SIPA1L3: variants seen among roughly 807,000 people sequenced by gnomAD.
SIPA1L3 encodes the protein signal induced proliferation associated 1 like 3, also known as signal-induced proliferation-associated 1-like protein 3.
A neutral mutation model predicts 150.1 loss-of-function variants in SIPA1L3; 59 were observed. That is an observed-to-expected ratio of 0.39 (90% confidence interval 0.32 to 0.49). SIPA1L3 has a LOEUF of 0.49. Ranked by LOEUF, SIPA1L3 falls within the 20% of genes least tolerant of loss-of-function variation. The pLI, the probability that SIPA1L3 is intolerant of heterozygous loss-of-function variation, is 0.86. For missense variants in SIPA1L3, 2,211 were observed against 2,489.5 expected (o/e 0.89, Z 2.38); for synonymous variants, 1,070 against 1,077.6 (o/e 0.99, Z 0.14).
In SIPA1L3 at chr19:38,081,551, C is replaced by CA. The variant is rs764016809; in HGVS notation, c.-14dup. ...ACAGCGTACGGGGCCAGCAGCACTC[C>CA]AGTGCCCGTGGACTATGACCACCTA... On this transcript the variant is annotated 5_prime_UTR_variant, in exon 3 of 22. Coordinates refer to ENST00000222345, the MANE Select transcript of SIPA1L3 (RefSeq NM_015073.3). The CA allele has an allele frequency of 6.4e-7, 1 of 1,561,858 alleles. No homozygotes were observed. The highest frequency in any genetic ancestry group is 1.8e-5 in the Admixed American group (1 of 55,886).
chr19:38,008,204 T>A (rs2145674562), intron 1 of SIPA1L3, among the ~76,000 whole-genome samples: 1 of 135,422 alleles, frequency 7.4e-6, no homozygotes, highest in East Asian at 2.5e-4. Context: ...AGGTGAGAAA[T>A]CACCATAGGC....
At chr19:38,025,602 G>A (rs1406501084) in intron 1 of SIPA1L3, among the ~76,000 whole-genome samples, 3 of 152,206 alleles carry the variant, frequency 2.0e-5, no homozygotes, top group Non-Finnish European at 4.4e-5. Flanking sequence ...CCTTTATAGA[G>A]CCATATGCAT....
intron 15 of SIPA1L3, among the ~76,000 whole-genome samples, chr19:38,168,108 C>T (rs755633959): frequency 6.6e-6 from 1 of 152,158 alleles, no homozygotes; most frequent in South Asian, 2.1e-4. Flanking sequence ...GCTCCCAGGC[C>T]GGGCACGGTG....
intron 1 of SIPA1L3, among the ~76,000 whole-genome samples, chr19:38,010,028 CCTAT>C (rs796970123): frequency 2.0e-5 from 3 of 152,136 alleles, no homozygotes; most frequent in African/African-American, 7.2e-5. Context: ...TCTGACACTC[CCTAT>C]CTCTCTTAAT....
At chr19:38,060,838 T>C (rs8107177) in intron 2 of SIPA1L3, among the ~76,000 whole-genome samples, 120,588 of 151,790 alleles carry the variant, frequency 0.79, 48,693 homozygotes, top group African/African-American at 0.94. Flanking sequence ...ATTACAGGGG[T>C]GTGCCACCAC....
At chr19:38,156,563 G>T (rs1000852030) in intron 13 of SIPA1L3, among the ~76,000 whole-genome samples, 3 of 149,936 alleles carry the variant, frequency 2.0e-5, no homozygotes, top group African/African-American at 7.4e-5. Context: ...AGTGGCTCAC[G>T]CCTGTAATCC....
Position 38,164,691 on chromosome 19 carries a change from C to A in SIPA1L3, c.3993C>A (p.Pro1331=). 1 of 1,613,960 alleles carries A rather than the reference C, an allele frequency of 6.2e-7. No homozygotes were observed. The highest frequency in any genetic ancestry group is 8.5e-7 in the Non-Finnish European group (1 of 1,179,962). Residue 1331 remains proline, a synonymous_variant, in exon 15 of 22, where the codon CCC becomes CCA. Transcript: ENST00000222345. The surrounding 1 kb of genome is among the most constrained non-coding windows in gnomAD (Gnocchi z 4.1). ...SCMSLAKAPR[P]AKPHKPPGSM... ...TGTCCCTGGCCAAGGCTCCACGGCC[C>A]GCCAAGCCACACAAGCCCCCTGGAA...
intron 1 of SIPA1L3, among the ~76,000 whole-genome samples, chr19:38,020,932 CT>C (rs1352042386): frequency 6.8e-4 from 103 of 152,336 alleles, no homozygotes; most frequent in African/African-American, 2.4e-3. Flanking sequence ...TCCCGAGTAG[CT>C]GGGACTACAG....
At position 38,130,472 on chromosome 19, in the gene SIPA1L3, G is replaced by A. The variant is rs376293451; in HGVS notation, c.2869-26G>A. ...AGGAGCTGACCCAAGCAGCTTCTGA[G>A]GCTCGATCCTGCCTGTGGCCTGCAG... On this transcript the variant is annotated intron_variant, in intron 9 of 21. Transcript: ENST00000222345. The A allele has an allele frequency of 1.1e-4, 183 of 1,592,650 alleles. No homozygotes were observed. In the African/African-American group the frequency reaches 2.0e-3, roughly 18 times the overall value.
At chr19:38,196,309 CA>C (rs1455022350) in intron 18 of SIPA1L3, among the ~76,000 whole-genome samples, 1 of 152,282 alleles carries the variant, frequency 6.6e-6, no homozygotes, top group African/African-American at 2.4e-5. Context: ...ACAAGGAGGC[CA>C]GGGGAAGAGC....
At chr19:38,202,992 A>G (rs1054356335) in intron 20 of SIPA1L3, among the ~76,000 whole-genome samples, 6 of 152,238 alleles carry the variant, frequency 3.9e-5, no homozygotes, top group Non-Finnish European at 7.3e-5. Flanking sequence ...CTGCCTGTAC[A>G]TGGATTTAAA....
At position 38,164,717 on chromosome 19, in the gene SIPA1L3, G is replaced by A; in HGVS notation, c.4019G>A (p.Ser1340Asn). The A allele has an allele frequency of 6.2e-7, 1 of 1,614,108 alleles. No individual in the cohort carries two copies. The highest frequency in any genetic ancestry group is 1.1e-5 in the South Asian group (1 of 91,080). Residue 1340 changes from serine (S) to asparagine (N), a missense_variant, in exon 15 of 22, where the codon AGT (serine) becomes AAT (asparagine). By Grantham distance (46) the Ser-to-Asn change is conservative. Coordinates refer to ENST00000222345, the MANE Select transcript of SIPA1L3 (RefSeq NM_015073.3). This position sits in a 1 kb window ranked among gnomAD's most constrained non-coding sequence, Gnocchi z 4.1. ...GCCAAGCCACACAAGCCCCCTGGAAGTATGGGCCTTTGTGGCGGGGGTCGC... is the reference window on the plus strand; with the variant it reads ...GCCAAGCCACACAAGCCCCCTGGAAATATGGGCCTTTGTGGCGGGGGTCGC... ...RPAKPHKPPG[S>N]MGLCGGGREA... is the part of the protein sequence containing the mutation.
intron 6 of SIPA1L3, among the ~76,000 whole-genome samples, chr19:38,104,888 AG>A (rs1970587101): frequency 1.3e-5 from 2 of 151,830 alleles, no homozygotes; most frequent in African/African-American, 4.8e-5. Context: ...GGGTTCTCTT[AG>A]AGGACCCCAG....
chr19:37,961,741 A>G (rs1568480629), intron 1 of SIPA1L3, among the ~76,000 whole-genome samples: 1 of 151,826 alleles, frequency 6.6e-6, no homozygotes, highest in Non-Finnish European at 1.5e-5. Flanking sequence ...TAGGACTCCC[A>G]TTATGTCTGT....
intron 2 of SIPA1L3, among the ~76,000 whole-genome samples, chr19:38,056,184 G>A (rs1046460245): frequency 2.6e-5 from 4 of 152,160 alleles, no homozygotes; most frequent in South Asian, 4.1e-4. Context: ...TTCCCCAGTC[G>A]GTCCCTTCTC....
At chr19:38,011,186 A>G (rs1019779673) in intron 1 of SIPA1L3, among the ~76,000 whole-genome samples, 1 of 152,126 alleles carries the variant, frequency 6.6e-6, no homozygotes, top group Non-Finnish European at 1.5e-5. Flanking sequence ...TAATAAAGCA[A>G]TCAGTGGGTC....
rs376863637 is a variant in SIPA1L3 at position 38,081,853 on chromosome 19, C to G, written c.288C>G (p.His96Gln). 1.9e-6 allele frequency: 3 copies of G among 1,613,900 alleles called. No homozygotes were observed. The African/African-American group carries it at 4.0e-5, about 22-fold the overall frequency. Residue 96 changes from histidine (H) to glutamine (Q), a missense_variant, in exon 3 of 22, where the codon CAC becomes CAG. By Grantham distance (24) the His-to-Gln change is conservative. Transcript: ENST00000222345. ...WPPKREALREHSNPSPSQDTD... is the reference protein window; with the variant it reads ...WPPKREALREQSNPSPSQDTD... ...CCAAGCGGGAGGCCCTGAGAGAGCA[C>G]AGCAACCCAAGCCCCTCCCAGGACA...
intron 12 of SIPA1L3, among the ~76,000 whole-genome samples, chr19:38,149,322 TG>T (rs1406237288): frequency 6.6e-6 from 1 of 152,106 alleles, no homozygotes; most frequent in Non-Finnish European, 1.5e-5. Context: ...GCTTGAACCC[TG>T]GAAGTGGAAG....
At chr19:38,031,690 C>A (rs1211305523) in intron 2 of SIPA1L3, among the ~76,000 whole-genome samples, 3 of 152,182 alleles carry the variant, frequency 2.0e-5, no homozygotes, top group African/African-American at 7.2e-5. Context: ...TAAAGTTACA[C>A]TTTTCCCTTT....
Sources: gnomAD v4.1 joint callset for allele counts (sites outside exome capture counted in the v4.1 genomes callset) on GRCh38, gnomAD v4.1.1 for gene constraint, Gnocchi (gnomAD v3.1) non-coding constraint, MANE v1.5 for transcripts, NCBI Gene and HGNC (gene_info 2026-07-23, HGNC 2026-07-21) for gene names.